The following RIPOR3 variants were observed in gnomAD, a reference collection of about 807,000 sequenced individuals.
The protein encoded by RIPOR3 is RIPOR family member 3.
A neutral mutation model predicts 114.3 loss-of-function variants in RIPOR3; 95 were observed. The ratio of observed to expected loss-of-function variants is 0.83; its 90% CI spans 0.70 to 0.99. The LOEUF (loss-of-function observed/expected upper bound fraction) is 0.99, where lower values mean the gene tolerates loss of function less well. Among genes scored for constraint, RIPOR3 ranks in the 50% least tolerant of loss-of-function variants. The pLI, the probability that RIPOR3 is intolerant of heterozygous loss-of-function variation, is 0.00. For synonymous variants in RIPOR3, 575 were observed against 543.8 expected (o/e 1.06, Z -0.80); for missense variants, 1,252 against 1,266.9 (o/e 0.99, Z 0.18).
chr20:50,597,722 G>A lies in RIPOR3; in HGVS notation c.1660-12C>T, dbSNP rs759544140. 3.1e-6 allele frequency: 5 copies of A among 1,611,698 alleles called. No homozygotes were observed. The highest frequency in any genetic ancestry group is 1.3e-5 in the African/African-American group (1 of 75,018). On this transcript the variant is annotated splice_polypyrimidine_tract_variant and intron_variant, in intron 13 of 21. Coordinates refer to ENST00000327979, the MANE Select transcript of RIPOR3 (RefSeq NM_001290268.2). ...CGTGCTCTGCAGGGCTGTGGACGAAGTGGCCAGACCTGAGGGCAACACCGG... is the reference window on the plus strand; with the variant it reads ...CGTGCTCTGCAGGGCTGTGGACGAAATGGCCAGACCTGAGGGCAACACCGG...
At chr20:50,626,455 T>G (rs2084622594) in intron 2 of RIPOR3, among the ~76,000 whole-genome samples, 1 of 152,180 alleles carries the variant, frequency 6.6e-6, no homozygotes. Flanking sequence ...CAGCGAGCCC[T>G]GGTGTCAAGG....
intron 1 of RIPOR3, among the ~76,000 whole-genome samples, chr20:50,679,135 A>AAAATATAT (rs2086773516): frequency 4.8e-5 from 1 of 20,774 alleles, no homozygotes; most frequent in African/African-American, 1.3e-4. Context: ...AAAAAAAAAA[A>AAAATATAT]ATATATATAT....
At chr20:50,651,047 C>G (rs904380359) in intron 1 of RIPOR3, among the ~76,000 whole-genome samples, 1 of 152,070 alleles carries the variant, frequency 6.6e-6, no homozygotes, top group Non-Finnish European at 1.5e-5. Flanking sequence ...TCTCAGCTCA[C>G]TGCAACCTCT....
intron 1 of RIPOR3, among the ~76,000 whole-genome samples, chr20:50,682,610 A>ATGTGTGTGTGTGTGTGTGTGTGTGTG (rs1230359539): frequency 1.5e-4 from 2 of 13,490 alleles, no homozygotes; most frequent in Non-Finnish European, 3.5e-4. Flanking sequence ...CTGTCTCAAA[A>ATGTGTGTGTGTGTGTGTGTGTGTGTG]TATGTGTGTG....
intron 11 of RIPOR3, among the ~76,000 whole-genome samples, chr20:50,606,279 A>AC (rs1231421159): frequency 6.6e-6 from 1 of 152,248 alleles, no homozygotes; most frequent in African/African-American, 2.4e-5. Flanking sequence ...AGGGACAGTG[A>AC]CTGTGAGCAG....
intron 19 of RIPOR3, among the ~76,000 whole-genome samples, chr20:50,591,637 C>T (rs916745218): frequency 2.0e-5 from 3 of 152,212 alleles, no homozygotes; most frequent in African/African-American, 7.2e-5. Context: ...TGATGTCACC[C>T]TTCCTGAACC....
chr20:50,610,417 G>A (rs1038885564), intron 6 of RIPOR3, among the ~76,000 whole-genome samples: 8 of 152,178 alleles, frequency 5.3e-5, no homozygotes, highest in Non-Finnish European at 8.8e-5. Flanking sequence ...TGGGCAGTGT[G>A]GGGAGTAAAG....
At chr20:50,603,876 A>G (rs1601484895) in intron 12 of RIPOR3, among the ~76,000 whole-genome samples, 2 of 152,166 alleles carry the variant, frequency 1.3e-5, no homozygotes, top group East Asian at 3.9e-4. Context: ...CACTTCTCTG[A>G]TACAGAAATT....
At chr20:50,639,755 G>A (rs1252940164) in intron 1 of RIPOR3, among the ~76,000 whole-genome samples, 1 of 152,180 alleles carries the variant, frequency 6.6e-6, no homozygotes, top group Non-Finnish European at 1.5e-5. Flanking sequence ...GTGCAGGTGT[G>A]TGTACGCCTG....
chr20:50,641,222 T>C (rs1392947297), intron 1 of RIPOR3, among the ~76,000 whole-genome samples: 1 of 151,814 alleles, frequency 6.6e-6, no homozygotes, highest in Non-Finnish European at 1.5e-5. Context: ...ACTTCTTTTT[T>C]TTTCTGAGAG....
chr20:50,671,388 CCTCT>C (rs143144187), intron 1 of RIPOR3, among the ~76,000 whole-genome samples: 2 of 151,674 alleles, frequency 1.3e-5, no homozygotes, highest in African/African-American at 4.8e-5. Flanking sequence ...TTTCTCTCTC[CCTCT>C]CTCTCACATG....
At chr20:50,607,841 C>T (rs2123043132) in intron 11 of RIPOR3, among the ~76,000 whole-genome samples, 1 of 152,294 alleles carries the variant, frequency 6.6e-6, no homozygotes, top group South Asian at 2.1e-4. Context: ...CCTTCTGCTG[C>T]CTCTGCGCTG....
rs772092540 is a variant in RIPOR3, at chr20:50,687,314, G to C, written c.3+3812C>G. On this transcript the variant is annotated intron_variant, in intron 1 of 21. Coordinates refer to ENST00000327979, the MANE Select transcript of RIPOR3 (RefSeq NM_001290268.2). ...CTCTCTGCATCCACTCCAGTGCTTCGGGCAAGAGAGAGGAGTTTGGCTGCT... is the reference window on the plus strand; with the variant it reads ...CTCTCTGCATCCACTCCAGTGCTTCCGGCAAGAGAGAGGAGTTTGGCTGCT... Among the ~76,000 whole-genome samples the C allele has an allele frequency of 3.9e-5, 6 of 152,218 alleles. No individual in the cohort carries two copies. In the East Asian group the frequency reaches 1.2e-3, roughly 29 times the overall value.
intron 7 of RIPOR3, 38 bp from the exon 8 acceptor site, chr20:50,609,394 G>A (rs2083862417): frequency 2.5e-6 from 4 of 1,606,540 alleles, no homozygotes; most frequent in Non-Finnish European, 3.4e-6. Context: ...GGCTGCCTGG[G>A]GCTAGGCCAC....
intron 17 of RIPOR3, 125 bp downstream of exon 17, chr20:50,594,428 G>A (rs1156264871): frequency 1.2e-5 from 14 of 1,181,824 alleles, no homozygotes; most frequent in Admixed American, 6.9e-5. Context: ...TCCTCCGTCC[G>A]ATGGCATGAA....
chr20:50,655,969 T>G (rs1459116029), intron 1 of RIPOR3, among the ~76,000 whole-genome samples: 1 of 152,112 alleles, frequency 6.6e-6, no homozygotes, highest in Non-Finnish European at 1.5e-5. Flanking sequence ...CTCCTATGGT[T>G]AGGTTAGGCT....
chr20:50,679,241 T>C (rs927533544), intron 1 of RIPOR3, among the ~76,000 whole-genome samples: 1 of 143,228 alleles, frequency 7.0e-6, no homozygotes, highest in Non-Finnish European at 1.5e-5. Context: ...TTTAAAAATA[T>C]ATAAAATGAG....
chr20:50,597,579 C>A lies in RIPOR3; in HGVS notation c.1790+1G>T. Reference sequence around the variant, plus strand: ...TCACTGCTGGAAGGAGGTGCACTCACCGGAGACCCTGGGAGCCCCCAAACA... The same window carrying A: ...TCACTGCTGGAAGGAGGTGCACTCAACGGAGACCCTGGGAGCCCCCAAACA... On this transcript the variant is annotated splice_donor_variant, in intron 14 of 21. Transcript: ENST00000327979. LOFTEE classifies it high-confidence loss of function. 6.2e-7 allele frequency: 1 copy of A among 1,603,386 alleles called. No homozygotes were observed. Among genetic ancestry groups the A allele is most frequent in the Admixed American group, 1.7e-5 (1 of 58,532 alleles).
At chr20:50,690,306 A>G (rs1053022227) in intron 1 of RIPOR3, among the ~76,000 whole-genome samples, 30 of 152,170 alleles carry the variant, frequency 2.0e-4, no homozygotes, top group African/African-American at 6.5e-4. Context: ...CCTCTGACAT[A>G]TTAACCCTCT....
Sources: allele counts gnomAD v4.1 joint callset (sites outside exome capture counted in the v4.1 genomes callset), GRCh38; gene constraint gnomAD v4.1.1; transcripts MANE v1.5; gene names NCBI Gene and HGNC (gene_info 2026-07-23, HGNC 2026-07-21).